The following VASH2 variants were observed in gnomAD, a reference collection of about 807,000 sequenced individuals.
The protein encoded by VASH2 is tubulinyl-Tyr carboxypeptidase 2.
VASH2 carries 28 observed loss-of-function variants against 37.2 expected under a neutral mutation model. The ratio of observed to expected loss-of-function variants is 0.75; its 90% confidence interval spans 0.56 to 1.03. The LOEUF is 1.03. Ranked by LOEUF, VASH2 falls within the 50% of genes least tolerant of loss-of-function variation. VASH2 has a pLI of 0.00. For synonymous variants in VASH2, 188 were observed against 174.7 expected, an observed-to-expected ratio of 1.08 and a Z score of -0.60; for missense variants, 419 against 459.1, an observed-to-expected ratio of 0.91 and a Z score of 0.80.
intron 7 of VASH2, among the ~76,000 whole-genome samples, chr1:212,983,564 C>T (rs771279891): frequency 6.6e-6 from 1 of 152,210 alleles, no homozygotes; most frequent in Non-Finnish European, 1.5e-5. Context: ...CCCCACTGCA[C>T]CGAGGATCGA....
intron 6 of VASH2, chr1:212,973,602 A>G (rs7511930): frequency 0.59 from 735,177 of 1,240,986 alleles, 219,562 homozygotes; most frequent in African/African-American, 0.76. Flanking sequence ...CTGGTTTCTG[A>G]GGCAATAGAG....
In VASH2 at chr1:212,965,629, T is replaced by A. The variant is rs1666818027; in HGVS notation, c.366-93T>A. 3.3e-6 allele frequency: 4 copies of A among 1,214,868 alleles called. No homozygotes were observed. The South Asian group carries it at 5.5e-5, about 17-fold the overall frequency. 75.3% of individuals were successfully genotyped at this position (1,214,868 alleles called of 1,614,324 possible). A position where few individuals can be genotyped will look rare whatever the true frequency, so the allele number is the denominator to read the frequency against. ...ACTTCTGAAAGCCCTCACATCCTCATCTCATTGAGAAATCAGAATGCATAG... is the reference window on the plus strand; with the variant it reads ...ACTTCTGAAAGCCCTCACATCCTCAACTCATTGAGAAATCAGAATGCATAG... On this transcript the variant is annotated intron_variant, in intron 3 of 7. Transcript: ENST00000517399.
intron 2 of VASH2, among the ~76,000 whole-genome samples, chr1:212,956,394 GGTT>G (rs1453583862): frequency 6.6e-6 from 1 of 152,210 alleles, no homozygotes; most frequent in Non-Finnish European, 1.5e-5. Flanking sequence ...TGTGTGAAGA[GGTT>G]GGTTTCGATC....
chr1:212,959,385 A>G (rs1666602110), intron 2 of VASH2, among the ~76,000 whole-genome samples: 1 of 152,210 alleles, frequency 6.6e-6, no homozygotes, highest in Non-Finnish European at 1.5e-5. Context: ...GTTGTAAACA[A>G]AATGGAGCTT....
At chr1:212,967,386 A>T (rs1277539056) in intron 5 of VASH2, 1 of 1,198,084 alleles carries the variant, frequency 8.3e-7, no homozygotes, top group African/African-American at 1.6e-5. Flanking sequence ...CCACAATCAG[A>T]TAGAAGAGCA....
At chr1:212,974,678 G>A (rs1378298275) in intron 7 of VASH2, 3 of 152,348 alleles carry the variant, frequency 2.0e-5, no homozygotes, top group Non-Finnish European at 4.4e-5. Context: ...TGCTGGGGAT[G>A]CCCAAATTCA....
chr1:212,970,493 T>A (rs1666978356), intron 5 of VASH2, among the ~76,000 whole-genome samples: 1 of 151,916 alleles, frequency 6.6e-6, no homozygotes, highest in Admixed American at 6.5e-5. Context: ...TCACATTGTG[T>A]TTTGGTTTTT....
chr1:212,983,258 G>A (rs1353289159), intron 7 of VASH2, among the ~76,000 whole-genome samples: 1 of 152,174 alleles, frequency 6.6e-6, no homozygotes, highest in Non-Finnish European at 1.5e-5. Flanking sequence ...TTGTGTCGCT[G>A]TAACAGAATA....
intron 7 of VASH2, among the ~76,000 whole-genome samples, chr1:212,988,102 T>G (rs1420164964): frequency 2.8e-4 from 42 of 152,316 alleles, no homozygotes; most frequent in Admixed American, 2.7e-3. Flanking sequence ...CTGGGCTTCC[T>G]CCAGGACACG....
chr1:212,968,987 C>T (rs538599255), intron 5 of VASH2: 45 of 985,436 alleles, frequency 4.6e-5, no homozygotes, highest in Admixed American at 1.2e-4. Flanking sequence ...GAATCACCCA[C>T]GACCTTTTGG....
chr1:212,952,946 A>G (rs936733683), intron 2 of VASH2, among the ~76,000 whole-genome samples: 2 of 152,112 alleles, frequency 1.3e-5, no homozygotes, highest in African/African-American at 4.8e-5. Flanking sequence ...GGTCAAGGAG[A>G]TCTTCATTGT....
At chr1:212,970,967 C>T (rs1666995106) in intron 5 of VASH2, among the ~76,000 whole-genome samples, 1 of 151,934 alleles carries the variant, frequency 6.6e-6, no homozygotes, top group Non-Finnish European at 1.5e-5. Context: ...CTCCCCATTT[C>T]CCCCCTCCAG....
chr1:212,962,574 G>A (rs7549006), intron 3 of VASH2, among the ~76,000 whole-genome samples: 1 of 152,148 alleles, frequency 6.6e-6, no homozygotes. Context: ...TGCAGGGACC[G>A]AACACTAGCA....
At chr1:212,957,949 A>G (rs1446352475) in intron 2 of VASH2, among the ~76,000 whole-genome samples, 2 of 152,212 alleles carry the variant, frequency 1.3e-5, no homozygotes, top group Non-Finnish European at 2.9e-5. Context: ...CAAGTTGCCT[A>G]CTTTTGCATT....
At position 212,951,620 on chromosome 1, in the gene VASH2, C is replaced by T. The variant is rs1666309680; in HGVS notation, c.78C>T (p.His26=). ...AAGGCACCCGGTCCCGGAGCAGCCA[C>T]GCGCGGCCCGTGAGCCTCGCCACCA... is the stretch of plus-strand genomic sequence containing the variant. ...GAKGTRSRSS[H]ARPVSLATSG... Residue 26 remains histidine, a synonymous_variant, in exon 2 of 8, where the codon CAC becomes CAT. Coordinates refer to ENST00000517399, the MANE Select transcript of VASH2 (RefSeq NM_001301056.2). This position sits in a 1 kb window ranked among gnomAD's most constrained non-coding sequence, Gnocchi z 4.4. 2 of 1,564,300 alleles carry T rather than the reference C, an allele frequency of 1.3e-6. No individual in the cohort carries two copies. Among genetic ancestry groups the T allele is most frequent in the South Asian group, 1.2e-5 (1 of 85,028 alleles).
chr1:212,985,466 C>T (rs1358460268), intron 7 of VASH2, among the ~76,000 whole-genome samples: 1 of 150,010 alleles, frequency 6.7e-6, no homozygotes, highest in Non-Finnish European at 1.5e-5. Context: ...GTTGCCCAGG[C>T]TGGAGTGCAG....
At chr1:212,955,131 T>TG (rs1666444412) in intron 2 of VASH2, among the ~76,000 whole-genome samples, 1 of 151,916 alleles carries the variant, frequency 6.6e-6, no homozygotes, top group Admixed American at 6.6e-5. Flanking sequence ...AGAAGAAGGG[T>TG]GGTAGGGTGG....
At chr1:212,973,032 T>C in intron 6 of VASH2, 71 bp downstream of exon 6, 3 of 1,543,394 alleles carry the variant, frequency 1.9e-6, no homozygotes, top group Non-Finnish European at 2.6e-6. Flanking sequence ...TGTCTCTTGC[T>C]CCAGGCCTCA....
At chr1:212,980,909 A>C (rs971589107) in intron 7 of VASH2, among the ~76,000 whole-genome samples, 12 of 152,216 alleles carry the variant, frequency 7.9e-5, no homozygotes, top group African/African-American at 2.9e-4. Context: ...CTGCCTGGTC[A>C]GTTCCCCCAG....
Sources: allele counts gnomAD v4.1 joint callset (sites outside exome capture counted in the v4.1 genomes callset), GRCh38; gene constraint gnomAD v4.1.1; non-coding constraint Gnocchi (gnomAD v3.1); transcripts MANE v1.5; gene names NCBI Gene and HGNC (gene_info 2026-07-23, HGNC 2026-07-21).